MSN: variants seen among roughly 807,000 people sequenced by gnomAD.
The protein encoded by MSN is moesin, also known as epididymis luminal protein 70.
In MSN, 2 loss-of-function variants were observed where a neutral mutation model predicts 48.0. That is an observed-to-expected ratio of 0.04 (90% CI 0.02 to 0.13). The LOEUF (loss-of-function observed/expected upper bound fraction) is 0.13. Among genes scored for constraint, MSN ranks in the 10% least tolerant of loss-of-function variants. MSN has a pLI of 1.00. For synonymous variants in MSN, 146 were observed against 166.9 expected, an observed-to-expected ratio of 0.87 and a Z score of 0.97; for missense variants, 267 against 470.1, an observed-to-expected ratio of 0.57 and a Z score of 3.99.
intron 2 of MSN, among the ~76,000 whole-genome samples, chrX:65,719,763 C>T (rs1055355653): frequency 3.6e-5 from 4 of 111,654 alleles, no homozygotes; most frequent in African/African-American, 1.3e-4. Context: ...AACCAGATGA[C>T]GCCATCCTCT....
At chrX:65,614,836 C>A (rs1308461743) in intron 1 of MSN, among the ~76,000 whole-genome samples, 1 of 84,655 alleles carries the variant, frequency 1.2e-5, no homozygotes, top group African/African-American at 4.3e-5. Context: ...GTATATCTCC[C>A]GATGCTATCC....
At chrX:65,659,902 A>C (rs746050776) in intron 1 of MSN, among the ~76,000 whole-genome samples, 1 of 109,924 alleles carries the variant, frequency 9.1e-6, no homozygotes, top group Non-Finnish European at 1.9e-5. Flanking sequence ...AAACCTACTC[A>C]TGGGTATTAC....
intron 1 of MSN, among the ~76,000 whole-genome samples, chrX:65,692,389 T>G (rs1275975968): frequency 8.9e-6 from 1 of 112,739 alleles, no homozygotes; most frequent in African/African-American, 3.2e-5. Context: ...TTTCTGCCAG[T>G]GCCTTTGCAT....
At chrX:65,625,954 T>C (rs2070500727) in intron 1 of MSN, 2 of 96,843 alleles carry the variant, frequency 2.1e-5, no homozygotes, top group South Asian at 4.9e-4. Context: ...AATACAGCTT[T>C]TTTTTTTTTT....
At chrX:65,588,624 G>C in intron 1 of MSN, 1 of 796,297 alleles carries the variant, frequency 1.3e-6, no homozygotes, top group Non-Finnish European at 1.5e-6. Flanking sequence ...TGAGTGAACA[G>C]GGGCTGGCTG....
upstream of MSN, among the ~76,000 whole-genome samples, chrX:65,666,325 C>CTAT (rs949961242): frequency 1.4e-4 from 15 of 108,008 alleles, no homozygotes; most frequent in African/African-American, 2.0e-4. Flanking sequence ...GTCTCACTTA[C>CTAT]TATTATTATT....
At chrX:65,608,463 G>A (rs1217189566) in intron 1 of MSN, among the ~76,000 whole-genome samples, 2 of 110,769 alleles carry the variant, frequency 1.8e-5, no homozygotes, top group Non-Finnish European at 3.8e-5. Flanking sequence ...GTGTGTATGC[G>A]AAGTGTCAGG....
intron 1 of MSN, among the ~76,000 whole-genome samples, chrX:65,608,872 T>C (rs746487238): frequency 9.0e-6 from 1 of 110,507 alleles, no homozygotes; most frequent in African/African-American, 3.3e-5. Flanking sequence ...CTGCTCACAA[T>C]AGGTGCTCAA....
intron 1 of MSN, among the ~76,000 whole-genome samples, chrX:65,669,835 A>C (rs1392593588): frequency 9.0e-6 from 1 of 110,702 alleles, no homozygotes; most frequent in Non-Finnish European, 1.9e-5. Context: ...TAAAAAAAAA[A>C]ACTAAAACTA....
At chrX:65,693,018 A>G (rs1377587879) in intron 1 of MSN, among the ~76,000 whole-genome samples, 1 of 112,321 alleles carries the variant, frequency 8.9e-6, no homozygotes, top group African/African-American at 3.2e-5. Flanking sequence ...AATCTCTGCT[A>G]GTCTGTGCTT....
upstream of MSN, among the ~76,000 whole-genome samples, chrX:65,664,538 G>A (rs1416633805): frequency 1.8e-5 from 2 of 111,113 alleles, no homozygotes; most frequent in Non-Finnish European, 3.8e-5. Flanking sequence ...CTGGCCTTGG[G>A]TAAGTCTTTT....
At chrX:65,632,744 G>A (rs761719111) in intron 1 of MSN, among the ~76,000 whole-genome samples, 5 of 111,700 alleles carry the variant, frequency 4.5e-5, no homozygotes, top group Non-Finnish European at 9.4e-5. Context: ...TAAAGTGTCT[G>A]GCACAGCTAG....
intron 1 of MSN, among the ~76,000 whole-genome samples, chrX:65,703,194 A>T (rs2071326317): frequency 9.0e-6 from 1 of 111,553 alleles, no homozygotes; most frequent in Non-Finnish European, 1.9e-5. Context: ...ATTAGTAATC[A>T]TCACATTCTA....
chrX:65,688,052 C>T (rs1436324807), intron 1 of MSN, among the ~76,000 whole-genome samples: 7 of 111,632 alleles, frequency 6.3e-5, no homozygotes, highest in Non-Finnish European at 1.3e-4. Context: ...AAGTCAGATG[C>T]GAATTGAAGG....
At position 65,719,463 on chromosome X, in the gene MSN, G is replaced by A. The variant is rs145001333; in HGVS notation, c.96+2562G>A. Among the ~76,000 whole-genome samples the A allele has an allele frequency of 2.1e-4, 23 of 112,041 alleles. 1 individual carries two copies. Among genetic ancestry groups the A allele is most frequent in the African/African-American group, 7.4e-4 (23 of 30,878 alleles). On this transcript the variant is annotated intron_variant, in intron 2 of 12. Transcript: ENST00000360270. ...AAAAGGAGAGAAATGCCTCACCTGA[G>A]TATGATCAGCTGCTGGCATATGTGA...
chrX:65,688,319 C>T (rs758908231), intron 1 of MSN, among the ~76,000 whole-genome samples: 61 of 111,956 alleles, frequency 5.4e-4, no homozygotes, highest in Non-Finnish European at 9.4e-4. Flanking sequence ...CTCAAGAGAT[C>T]CGCCCACTTC....
intron 1 of MSN, among the ~76,000 whole-genome samples, chrX:65,599,413 T>C (rs1483214576): frequency 8.9e-6 from 1 of 112,439 alleles, no homozygotes; most frequent in African/African-American, 3.2e-5. Context: ...GGCGGGCAGA[T>C]CATGAGGTCA....
chrX:65,615,693 G>GAAGCTCTTT (rs1385301855), intron 1 of MSN, among the ~76,000 whole-genome samples: 1 of 106,531 alleles, frequency 9.4e-6, no homozygotes. Flanking sequence ...TTGCTGTGCA[G>GAAGCTCTTT]AAGCTCTTTA....
chrX:65,671,740 C>G (rs2070943783), intron 1 of MSN, among the ~76,000 whole-genome samples: 2 of 111,957 alleles, frequency 1.8e-5, no homozygotes, highest in Non-Finnish European at 1.9e-5. Flanking sequence ...TAACAGCCCT[C>G]TGGGTAGGGA....
Sources: gnomAD v4.1 joint callset for allele counts (sites outside exome capture counted in the v4.1 genomes callset) on GRCh38, gnomAD v4.1.1 for gene constraint, MANE v1.5 for transcripts, NCBI Gene and HGNC (gene_info 2026-07-23, HGNC 2026-07-21) for gene names.